ERBB4: variants seen among roughly 807,000 people sequenced by gnomAD.
ERBB4 encodes the protein receptor tyrosine-protein kinase erbB-4.
In ERBB4, 42 loss-of-function variants were observed where a neutral mutation model predicts 158.0. That is an observed-to-expected ratio of 0.27 (90% CI 0.21 to 0.34). The LOEUF (loss-of-function observed/expected upper bound fraction) is 0.34. ERBB4 is among the 10% of genes least tolerant of loss of function. The pLI is 1.00. For missense variants in ERBB4, 1,333 were observed against 1,624.1 expected, an observed-to-expected ratio of 0.82 and a Z score of 3.08; for synonymous variants, 583 against 558.7, an observed-to-expected ratio of 1.04 and a Z score of -0.61.
At chr2:212,507,041 G>A (rs909023268) in intron 1 of ERBB4, among the ~76,000 whole-genome samples, 3 of 152,032 alleles carry the variant, frequency 2.0e-5, no homozygotes, top group East Asian at 1.9e-4. Context: ...TGAAGTTGAG[G>A]CCAATGCTCA....
chr2:212,188,185 T>A (rs1037446232), intron 1 of ERBB4, among the ~76,000 whole-genome samples: 2 of 5,400 alleles, frequency 3.7e-4, no homozygotes, highest in African/African-American at 1.3e-3. Context: ...TACCTTCAGG[T>A]CTCTCTCTCT....
intron 19 of ERBB4, among the ~76,000 whole-genome samples, chr2:211,570,755 G>A (rs1468571680): frequency 3.3e-5 from 5 of 151,932 alleles, no homozygotes; most frequent in Non-Finnish European, 7.4e-5. Context: ...TGTACATTAG[G>A]GATATTTGTC....
chr2:211,606,319 A>G (rs2068975921), intron 19 of ERBB4, among the ~76,000 whole-genome samples: 1 of 152,118 alleles, frequency 6.6e-6, no homozygotes, highest in African/African-American at 2.4e-5. Flanking sequence ...CATGCCCATG[A>G]AGTACATAGA....
At chr2:211,422,681 G>A (rs1434373618) in intron 23 of ERBB4, among the ~76,000 whole-genome samples, 1 of 151,778 alleles carries the variant, frequency 6.6e-6, no homozygotes, top group East Asian at 1.9e-4. Flanking sequence ...CTAATGAGAT[G>A]ACAAGAATAA....
At chr2:211,977,266 C>T (rs959329157) in intron 2 of ERBB4, among the ~76,000 whole-genome samples, 4 of 151,994 alleles carry the variant, frequency 2.6e-5, no homozygotes, top group Non-Finnish European at 4.4e-5. Context: ...AAGTCTTTCC[C>T]TTAAACTTCC....
At position 211,864,903 on chromosome 2, in the gene ERBB4, T is replaced by C. The variant is rs543906867; in HGVS notation, c.422-76744A>G. Among the ~76,000 whole-genome samples the C allele has an allele frequency of 2.0e-5, 3 of 152,182 alleles. No individual in the cohort carries two copies. The East Asian group carries it at 5.8e-4, about 29-fold the overall frequency. The stretch of plus-strand genomic sequence containing the variant: ...GTGGGTGCCTGTAATCCCATCTACT[T>C]GGGAGGGTGAGGCAGGAGAATCACT... On this transcript the variant is annotated intron_variant, in intron 3 of 27. Transcript: ENST00000342788.
intron 1 of ERBB4, among the ~76,000 whole-genome samples, chr2:212,531,045 T>G (rs1692728676): frequency 6.6e-6 from 1 of 152,144 alleles, no homozygotes; most frequent in South Asian, 2.1e-4. Flanking sequence ...CCTACAATAT[T>G]GGAAATAATG....
At chr2:212,389,930 TAAAAAA>T (rs1240504646) in intron 1 of ERBB4, among the ~76,000 whole-genome samples, 1 of 145,292 alleles carries the variant, frequency 6.9e-6, no homozygotes, top group African/African-American at 2.5e-5. Context: ...TCTGTCTTAT[TAAAAAA>T]AAAAACTCTG....
rs750071081 is a variant in ERBB4, at chr2:211,424,264, T to C, written c.2757A>G (p.Lys919=). The C allele has an allele frequency of 6.2e-7, 1 of 1,612,796 alleles. No homozygotes were observed. The highest frequency in any genetic ancestry group is 8.5e-7 in the Non-Finnish European group (1 of 1,179,270). ...CTCGCGTTGGAATTCCATCATAGGGTTTTCCTCCAAAGGTCATCAGTTCCC... is the reference window on the plus strand; with the variant it reads ...CTCGCGTTGGAATTCCATCATAGGGCTTTCCTCCAAAGGTCATCAGTTCCC... ...TIWELMTFGG[K]PYDGIPTREI... is the part of the protein sequence containing the mutation. The change falls in exon 23 of 28, where the codon AAA becomes AAG. Residue 919 remains lysine (K), a synonymous_variant. Transcript: ENST00000342788.
At chr2:211,807,310 C>A (rs908166338) in intron 3 of ERBB4, among the ~76,000 whole-genome samples, 14 of 152,276 alleles carry the variant, frequency 9.2e-5, no homozygotes, top group South Asian at 2.1e-4. Flanking sequence ...CACCCCAAGA[C>A]AGGCCCCTGG....
chr2:212,163,857 A>G (rs940352087), intron 1 of ERBB4, among the ~76,000 whole-genome samples: 3 of 152,032 alleles, frequency 2.0e-5, no homozygotes, highest in Non-Finnish European at 2.9e-5. Context: ...TAGTGATGCA[A>G]TCACAGCTCA....
intron 1 of ERBB4, among the ~76,000 whole-genome samples, chr2:212,478,505 A>G (rs1467527716): frequency 6.6e-6 from 1 of 152,130 alleles, no homozygotes; most frequent in Non-Finnish European, 1.5e-5. Flanking sequence ...CAGTGATAGA[A>G]GTCTAGAACA....
intron 4 of ERBB4, among the ~76,000 whole-genome samples, chr2:211,766,032 G>A (rs556817211): frequency 6.6e-6 from 1 of 152,216 alleles, no homozygotes; most frequent in East Asian, 1.9e-4. Flanking sequence ...CTTTTCCTTT[G>A]TGCATTTTTA....
intron 3 of ERBB4, among the ~76,000 whole-genome samples, chr2:211,875,044 A>AAAAAAAAAAAAAAAAAAAAAC (rs2078460408): frequency 8.8e-6 from 1 of 113,968 alleles, no homozygotes; most frequent in African/African-American, 2.7e-5. Context: ...AAAAAAAAAA[A>AAAAAAAAAAAAAAAAAAAAAC]AAAAAACAAA....
rs375521782 is a variant in ERBB4, at chr2:211,791,508, A to C, written c.422-3349T>G. Among the ~76,000 whole-genome samples the C allele has an allele frequency of 2.1e-3, 300 of 144,150 alleles. 1 individual carries two copies. Among genetic ancestry groups the C allele is most frequent in the African/African-American group, 6.9e-3 (283 of 40,866 alleles). The allele number at this position is 144,150 out of a possible 152,430, so 94.6% of individuals were successfully genotyped here. The stretch of plus-strand genomic sequence containing the variant: ...AGATGCAAAGTGTCTGGATGAGTGC[A>C]GAAGCTAAAAAAAAAATGTTGAATG... On this transcript the variant is annotated intron_variant, in intron 3 of 27. Coordinates refer to ENST00000342788, the MANE Select transcript of ERBB4 (RefSeq NM_005235.3).
intron 19 of ERBB4, among the ~76,000 whole-genome samples, chr2:211,618,059 CT>C (rs1471799986): frequency 6.6e-6 from 1 of 151,882 alleles, no homozygotes; most frequent in African/African-American, 2.4e-5. Flanking sequence ...TCTGATTGAC[CT>C]TAAAAAGTAC....
At chr2:211,920,060 T>G (rs79104863) in intron 3 of ERBB4, among the ~76,000 whole-genome samples, 6 of 151,966 alleles carry the variant, frequency 3.9e-5, no homozygotes, top group Admixed American at 1.3e-4. Flanking sequence ...TCTAAATTAA[T>G]GTACTGTGGT....
chr2:212,362,311 C>G (rs569566865), intron 1 of ERBB4, among the ~76,000 whole-genome samples: 1 of 151,244 alleles, frequency 6.6e-6, no homozygotes, highest in Non-Finnish European at 1.5e-5. Context: ...GCCAAATTAG[C>G]GGCTAATTTT....
At chr2:211,507,769 G>A (rs1453221477) in intron 20 of ERBB4, among the ~76,000 whole-genome samples, 1 of 152,016 alleles carries the variant, frequency 6.6e-6, no homozygotes. Flanking sequence ...CAGCATGGTA[G>A]TGGTAACAAA....
Sources: allele counts gnomAD v4.1 joint callset (sites outside exome capture counted in the v4.1 genomes callset), GRCh38; gene constraint gnomAD v4.1.1; transcripts MANE v1.5; gene names NCBI Gene and HGNC (gene_info 2026-07-23, HGNC 2026-07-21).